LRRC4C: variants seen among roughly 807,000 people sequenced by gnomAD.
The protein encoded by LRRC4C is leucine rich repeat containing 4C, also known as leucine-rich repeat-containing protein 4C.
Under a neutral mutation model 33.6 loss-of-function variants are expected in LRRC4C, and 5 were observed. That is an observed-to-expected ratio of 0.15 (90% CI 0.08 to 0.31). The LOEUF is 0.31. LRRC4C is among the 10% of genes least tolerant of loss of function. The probability of loss-of-function intolerance (pLI) is 1.00; values close to 1 mark genes in which losing one functional copy is unlikely to be tolerated. For missense variants in LRRC4C, 560 were observed against 796.7 expected (o/e 0.70, Z 3.58); for synonymous variants, 329 against 302.0 (o/e 1.09, Z -0.93).
chr11:40,855,005 T>C (rs1005533819), intron 2 of LRRC4C, among the ~76,000 whole-genome samples: 5 of 152,232 alleles, frequency 3.3e-5, no homozygotes, highest in Middle Eastern at 6.8e-3. Flanking sequence ...AAAGTTGAGG[T>C]TGTAATCACA....
intron 3 of LRRC4C, among the ~76,000 whole-genome samples, chr11:40,320,239 C>T (rs977911695): frequency 2.4e-4 from 36 of 152,278 alleles, no homozygotes; most frequent in Non-Finnish European, 4.4e-4. Flanking sequence ...GGCGCGGTGG[C>T]TCACGCCTGT....
intron 1 of LRRC4C, among the ~76,000 whole-genome samples, chr11:41,158,192 T>G (rs1330270189): frequency 2.6e-5 from 4 of 152,102 alleles, no homozygotes; most frequent in African/African-American, 9.7e-5. Context: ...TAAAAACAAT[T>G]ATCAATTTGC....
intron 3 of LRRC4C, among the ~76,000 whole-genome samples, chr11:40,589,673 G>A (rs1316505227): frequency 2.0e-5 from 3 of 151,638 alleles, no homozygotes; most frequent in Non-Finnish European, 2.9e-5. Context: ...GGCAGGCCTG[G>A]TGGTGACAAA....
At chr11:41,442,061 T>C (rs1396436657) in intron 1 of LRRC4C, among the ~76,000 whole-genome samples, 1 of 152,232 alleles carries the variant, frequency 6.6e-6, no homozygotes, top group African/African-American at 2.4e-5. Flanking sequence ...TTCCAGGTCA[T>C]AAATTTTTGA....
intron 3 of LRRC4C, among the ~76,000 whole-genome samples, chr11:40,582,823 A>ATT (rs113091395): frequency 1.1e-4 from 16 of 151,270 alleles, no homozygotes; most frequent in East Asian, 3.9e-4. Context: ...AGCCTGTTCA[A>ATT]TTTTTTTTTA....
At chr11:40,612,316 A>AT (rs1490682584) in intron 3 of LRRC4C, among the ~76,000 whole-genome samples, 1 of 151,926 alleles carries the variant, frequency 6.6e-6, no homozygotes. Context: ...AAGACCACGT[A>AT]TTTGGGGTAT....
chr11:40,457,146 C>A (rs1254233819), intron 3 of LRRC4C, among the ~76,000 whole-genome samples: 2 of 147,750 alleles, frequency 1.4e-5, no homozygotes, highest in African/African-American at 2.5e-5. Context: ...GAGGATATAC[C>A]TCAGCAATTT....
intron 3 of LRRC4C, among the ~76,000 whole-genome samples, chr11:40,408,608 G>C (rs1284285516): frequency 6.6e-6 from 1 of 151,822 alleles, no homozygotes; most frequent in Non-Finnish European, 1.5e-5. Context: ...ACATGGGTTT[G>C]GAAACTACTG....
chr11:40,594,626 A>T (rs1211110476), intron 3 of LRRC4C, among the ~76,000 whole-genome samples: 1 of 152,188 alleles, frequency 6.6e-6, no homozygotes, highest in Non-Finnish European at 1.5e-5. Context: ...TTTTAAAAAA[A>T]TAGAGGTTAA....
At chr11:40,239,711 C>G in intron 5 of LRRC4C, among the ~76,000 whole-genome samples, 1 of 152,154 alleles carries the variant, frequency 6.6e-6, no homozygotes, top group East Asian at 1.9e-4. Flanking sequence ...GCCAGAAACC[C>G]CAGCCAAACA....
intron 3 of LRRC4C, among the ~76,000 whole-genome samples, chr11:40,616,011 G>C (rs1489323805): frequency 6.6e-6 from 1 of 151,604 alleles, no homozygotes; most frequent in Non-Finnish European, 1.5e-5. Flanking sequence ...ACAATATAAA[G>C]AAAGAGAATA....
intron 5 of LRRC4C, among the ~76,000 whole-genome samples, chr11:40,186,009 A>G (rs1443698831): frequency 6.6e-6 from 1 of 152,010 alleles, no homozygotes; most frequent in East Asian, 1.9e-4. Context: ...ATAGAATCCA[A>G]TTTACCTCTC....
intron 3 of LRRC4C, among the ~76,000 whole-genome samples, chr11:40,500,240 T>C (rs1437409424): frequency 7.0e-6 from 1 of 142,882 alleles, no homozygotes; most frequent in Non-Finnish European, 1.5e-5. Flanking sequence ...AGAATTAAGG[T>C]AAAGTATCTA....
chr11:40,716,308 CAT>C (rs138057517), intron 2 of LRRC4C, among the ~76,000 whole-genome samples: 326 of 152,082 alleles, frequency 2.1e-3, no homozygotes, highest in African/African-American at 7.4e-3. Flanking sequence ...ATAGTTTACA[CAT>C]GTTATAAATA....
chr11:40,301,288 C>T (rs574404260), intron 4 of LRRC4C, among the ~76,000 whole-genome samples: 2 of 152,280 alleles, frequency 1.3e-5, no homozygotes, highest in South Asian at 2.1e-4. Flanking sequence ...GACCCAATCA[C>T]TTTAAAAACA....
intron 1 of LRRC4C, among the ~76,000 whole-genome samples, chr11:41,337,803 T>C (rs1041629980): frequency 2.6e-5 from 4 of 152,110 alleles, no homozygotes; most frequent in Non-Finnish European, 5.9e-5. Flanking sequence ...AAAGGTCTAA[T>C]ATTCAGAATT....
intron 3 of LRRC4C, among the ~76,000 whole-genome samples, chr11:40,425,257 A>G (rs1289991400): frequency 1.3e-5 from 2 of 152,100 alleles, no homozygotes; most frequent in African/African-American, 4.8e-5. Context: ...AAACATCTGG[A>G]CTAGAGGTTG....
intron 4 of LRRC4C, among the ~76,000 whole-genome samples, chr11:40,295,029 T>A (rs184510145): frequency 1.4e-4 from 22 of 152,224 alleles, no homozygotes; most frequent in African/African-American, 4.6e-4. Context: ...GTACAAGACA[T>A]CCAGGACAGC....
intron 4 of LRRC4C, among the ~76,000 whole-genome samples, chr11:40,242,452 G>A (rs1034675390): frequency 3.3e-5 from 5 of 152,044 alleles, no homozygotes; most frequent in African/African-American, 1.2e-4. Context: ...CAGAAAGTCG[G>A]GGAATGGTTT....
Sources: gnomAD v4.1 joint callset for allele counts (sites outside exome capture counted in the v4.1 genomes callset) on GRCh38, gnomAD v4.1.1 for gene constraint, MANE v1.5 for transcripts, NCBI Gene and HGNC (gene_info 2026-07-23, HGNC 2026-07-21) for gene names.